NAV3: variants seen among roughly 807,000 people sequenced by gnomAD.
NAV3 encodes the protein neuron navigator 3, also known as pore membrane and/or filament interacting like protein 1.
NAV3 carries 87 observed loss-of-function variants against 244.7 expected under a neutral mutation model. That is an observed-to-expected ratio of 0.36 (90% CI 0.30 to 0.42). The LOEUF is 0.42. Among genes scored for constraint, NAV3 ranks in the 20% least tolerant of loss-of-function variants. The probability of loss-of-function intolerance (pLI) is 1.00; values close to 1 mark genes in which losing one functional copy is unlikely to be tolerated. For missense variants in NAV3, 2,663 were observed against 2,893.3 expected (o/e 0.92, Z 1.83); for synonymous variants, 1,126 against 1,042.2 (o/e 1.08, Z -1.55).
At chr12:78,128,570 T>C in intron 17 of NAV3, 136 bp from the exon 18 acceptor site, 1 of 838,482 alleles carries the variant, frequency 1.2e-6, no homozygotes, top group Non-Finnish European at 1.8e-6. Context: ...CTGGAAGAAC[T>C]GAGCAATTAT....
chr12:77,902,012 T>C (rs1034113367), intron 1 of NAV3, among the ~76,000 whole-genome samples: 2 of 152,228 alleles, frequency 1.3e-5, no homozygotes, highest in Non-Finnish European at 2.9e-5. Flanking sequence ...TAAGTGATTT[T>C]CTCAAAATTG....
rs564996667 is a variant in NAV3 at position 77,872,516 on chromosome 12, G to A, written c.243+40812G>A. Among the ~76,000 whole-genome samples the A allele has an allele frequency of 3.3e-5, 5 of 152,238 alleles. No homozygotes were observed. In the South Asian group the frequency reaches 6.2e-4, roughly 19 times the overall value. Reference sequence around the variant, plus strand: ...TGTTTGGGGAAGGCCATGGTCTTGGGCAGGAGACTTTATGCTTGGGGAAGT... The same window carrying A: ...TGTTTGGGGAAGGCCATGGTCTTGGACAGGAGACTTTATGCTTGGGGAAGT... On this transcript the variant is annotated intron_variant, in intron 1 of 39. Coordinates refer to ENST00000397909, the MANE Select transcript of NAV3 (RefSeq NM_001024383.2).
chr12:78,154,736 A>G (rs396163), intron 22 of NAV3, among the ~76,000 whole-genome samples: 54,038 of 151,654 alleles, frequency 0.36, 9,969 homozygotes, highest in East Asian at 0.48. Context: ...TCAGAACCAA[A>G]TAAACTGTCA....
intron 2 of NAV3, among the ~76,000 whole-genome samples, chr12:77,748,191 G>A (rs1236947126): frequency 6.6e-6 from 1 of 152,062 alleles, no homozygotes; most frequent in African/African-American, 2.4e-5. Flanking sequence ...TCCTGCTACT[G>A]GTGATTTTAT....
At chr12:77,914,837 C>CTT (rs11394815) in intron 1 of NAV3, among the ~76,000 whole-genome samples, 2,045 of 143,788 alleles carry the variant, frequency 0.014, 25 homozygotes, top group East Asian at 0.03. Flanking sequence ...GATTCTTTGT[C>CTT]TTTTTTTTTT....
At chr12:77,575,358 G>A (rs2136655372) in intron 2 of NAV3, among the ~76,000 whole-genome samples, 1 of 152,210 alleles carries the variant, frequency 6.6e-6, no homozygotes, top group East Asian at 1.9e-4. Context: ...AGGACTGGGT[G>A]AAATTTAATG....
chr12:77,858,126 G>T (rs7131741), intron 1 of NAV3, among the ~76,000 whole-genome samples: 106,869 of 151,926 alleles, frequency 0.7, 39,715 homozygotes, highest in Non-Finnish European at 0.82. Context: ...TGGCCTGTGA[G>T]TTTTACTTTT....
At chr12:77,686,358 G>C in intron 2 of NAV3, among the ~76,000 whole-genome samples, 1 of 151,006 alleles carries the variant, frequency 6.6e-6, no homozygotes. Context: ...CTCCCAGAAT[G>C]CTAGGATTAC....
At chr12:77,702,479 A>G (rs527592203) in intron 2 of NAV3, among the ~76,000 whole-genome samples, 1 of 152,038 alleles carries the variant, frequency 6.6e-6, no homozygotes, top group East Asian at 1.9e-4. Flanking sequence ...TAAGTTTACC[A>G]TCTTGCTATT....
chr12:77,925,537 G>C (rs989028813), intron 1 of NAV3, among the ~76,000 whole-genome samples: 2 of 15,456 alleles, frequency 1.3e-4, no homozygotes, highest in Non-Finnish European at 2.3e-4. Context: ...AGGATGAAAA[G>C]GCGGGGGGAG....
chr12:77,624,380 T>A (rs1871521296), intron 2 of NAV3, among the ~76,000 whole-genome samples: 1 of 152,102 alleles, frequency 6.6e-6, no homozygotes, highest in South Asian at 2.1e-4. Context: ...GTGGGAACTC[T>A]GTGGTAACCC....
chr12:77,769,993 T>C (rs1252094220), intron 2 of NAV3, among the ~76,000 whole-genome samples: 1 of 152,206 alleles, frequency 6.6e-6, no homozygotes, highest in Non-Finnish European at 1.5e-5. Context: ...GACATTTCTG[T>C]TTACAGAGTT....
chr12:77,977,609 C>T (rs563564687), intron 5 of NAV3, among the ~76,000 whole-genome samples: 1 of 151,636 alleles, frequency 6.6e-6, no homozygotes, highest in South Asian at 2.1e-4. Flanking sequence ...GTACAGGTAG[C>T]TGATTCTTCC....
At chr12:77,883,497 C>T (rs1312166646) in intron 1 of NAV3, among the ~76,000 whole-genome samples, 2 of 152,062 alleles carry the variant, frequency 1.3e-5, no homozygotes, top group African/African-American at 2.4e-5. Flanking sequence ...GTACTATGCT[C>T]ACTACATGAG....
At chr12:77,619,348 C>T (rs1353684245) in intron 2 of NAV3, among the ~76,000 whole-genome samples, 1 of 152,164 alleles carries the variant, frequency 6.6e-6, no homozygotes, top group Non-Finnish European at 1.5e-5. Flanking sequence ...TGCTTAAGGC[C>T]ATGAATGATG....
rs184751094 is a variant in NAV3, at chr12:77,653,352, C to T, written c.72+81086C>T. 5.3e-5 allele frequency among the ~76,000 whole-genome samples: 8 copies of T among 152,202 alleles called. No homozygotes were observed. In the East Asian group the frequency reaches 1.2e-3, roughly 22 times the overall value. ...ATGAATAAATAAATATTCAGTAGAA[C>T]CCTAAAGAAAAAGATAGACTAATAT... On this transcript the variant is annotated intron_variant, in intron 2 of 8. Coordinates refer to the NAV3 transcript ENST00000550042.
intron 19 of NAV3, 94 bp from the exon 20 acceptor site, chr12:78,140,188 C>A: frequency 9.9e-7 from 1 of 1,014,138 alleles, no homozygotes; most frequent in Non-Finnish European, 1.5e-6. Flanking sequence ...TACTTAATTT[C>A]CCTAACCACC....
At chr12:77,961,623 A>ATAATCTGT (rs1892010032) in intron 3 of NAV3, among the ~76,000 whole-genome samples, 1 of 143,462 alleles carries the variant, frequency 7.0e-6, no homozygotes, top group African/African-American at 2.6e-5. Flanking sequence ...ATTACTATAT[A>ATAATCTGT]TGTAATATAT....
chr12:78,199,206 A>G (rs922151064), intron 36 of NAV3, 129 bp from the exon 37 acceptor site: 12 of 741,212 alleles, frequency 1.6e-5, no homozygotes, highest in Middle Eastern at 2.3e-4. Context: ...GTGGCCACCA[A>G]TTGAAATGGG....
Sources: allele counts gnomAD v4.1 joint callset (sites outside exome capture counted in the v4.1 genomes callset), GRCh38; gene constraint gnomAD v4.1.1; transcripts MANE v1.5; gene names NCBI Gene and HGNC (gene_info 2026-07-23, HGNC 2026-07-21).